Variants in RMDN1 observed in about 807,000 individuals in gnomAD.
RMDN1 encodes the protein regulator of microtubule dynamics 1, also known as regulator of microtubule dynamics protein 1.
In RMDN1, 48 loss-of-function variants were observed where a neutral mutation model predicts 48.9. The ratio of observed to expected loss-of-function variants is 0.98; its 90% CI spans 0.78 to 1.25. The LOEUF (loss-of-function observed/expected upper bound fraction) is 1.25, where lower values mean the gene tolerates loss of function less well. Among genes scored for constraint, RMDN1 ranks in the 50% most tolerant of loss-of-function variants. The pLI is 0.00. For missense variants in RMDN1, 418 were observed against 373.4 expected, an observed-to-expected ratio of 1.12 and a Z score of -0.98; for synonymous variants, 148 against 132.6, an observed-to-expected ratio of 1.12 and a Z score of -0.80.
chr8:86,503,371 CAAAAAAAAAAAAAAAAAACAAAAA>C (rs1563656256), intron 2 of RMDN1, among the ~76,000 whole-genome samples: 2 of 68,038 alleles, frequency 2.9e-5, no homozygotes, highest in African/African-American at 2.0e-4. Context: ...CAAAACAAAA[CAAAAAAAAAAAAAAAAAACAAAAA>C]AAAATAACAA....
At chr8:86,476,266 G>A (rs1813358746) in intron 8 of RMDN1, among the ~76,000 whole-genome samples, 1 of 152,134 alleles carries the variant, frequency 6.6e-6, no homozygotes, top group Non-Finnish European at 1.5e-5. Flanking sequence ...CATGATATGT[G>A]AAACAGTATG....
At position 86,474,613 on chromosome 8, in the gene RMDN1, A is replaced by G. The variant is rs1024436595; in HGVS notation, c.894+207T>C. On this transcript the variant is annotated intron_variant, in intron 9 of 9. Transcript: ENST00000406452. ...AACAGGAATAATTCTGCATTGTAGCAGGCAACCCGTAACATCCACCTGGTG... is the reference window on the plus strand; with the variant it reads ...AACAGGAATAATTCTGCATTGTAGCGGGCAACCCGTAACATCCACCTGGTG... 7 of 722,948 alleles carry G rather than the reference A, an allele frequency of 9.7e-6. No individual in the cohort carries two copies. In the African/African-American group the frequency reaches 1.2e-4, roughly 13 times the overall value. The allele number at this position is 722,948 out of a possible 1,614,324, so 44.8% of individuals were successfully genotyped here.
intron 7 of RMDN1, chr8:86,478,650 G>C (rs1029461887): frequency 9.8e-6 from 4 of 409,284 alleles, no homozygotes; most frequent in Non-Finnish European, 1.8e-5. Context: ...ATATAGTTTA[G>C]ATTTCAAACA....
intron 2 of RMDN1, among the ~76,000 whole-genome samples, chr8:86,503,395 A>C (rs772456950): frequency 3.1e-4 from 38 of 122,986 alleles, no homozygotes; most frequent in East Asian, 3.9e-4. Context: ...AAAAACAAAA[A>C]AAAATAACAA....
Position 86,473,808 on chromosome 8 carries a change from T to G in RMDN1, c.*500A>C. The G allele has an allele frequency of 1.1e-6, 1 of 932,072 alleles. No individual in the cohort carries two copies. Among genetic ancestry groups the G allele is most frequent in the Non-Finnish European group, 1.3e-6 (1 of 780,622 alleles). 57.7% of individuals were successfully genotyped at this position (932,072 alleles called of 1,614,324 possible). Reference sequence around the variant, plus strand: ...AACTACTCCATTTTTAGTCATCTCCTTACTTAGTTCTTTACTTACACAGGT... The same window carrying G: ...AACTACTCCATTTTTAGTCATCTCCGTACTTAGTTCTTTACTTACACAGGT... On this transcript the variant is annotated 3_prime_UTR_variant, in exon 10 of 10. Transcript: ENST00000406452.
chr8:86,503,371 C>CAAAAAAAAAAAAAAAA (rs1182231210), intron 2 of RMDN1, among the ~76,000 whole-genome samples: 2 of 67,988 alleles, frequency 2.9e-5, no homozygotes, highest in East Asian at 4.2e-4. Flanking sequence ...CAAAACAAAA[C>CAAAAAAAAAAAAAAAA]AAAAAAAAAA....
rs944472589 is a variant in RMDN1 at position 86,474,728 on chromosome 8, A to G, written c.894+92T>C. On this transcript the variant is annotated intron_variant, in intron 9 of 9. Coordinates refer to ENST00000406452, the MANE Select transcript of RMDN1 (RefSeq NM_016033.3). Reference sequence around the variant, plus strand: ...ACACTTGTTTTCAACAATATTATGCATTTAGAAAATTATGCTTTTAAAGAA... The same window carrying G: ...ACACTTGTTTTCAACAATATTATGCGTTTAGAAAATTATGCTTTTAAAGAA... 7.1e-6 allele frequency: 8 copies of G among 1,130,018 alleles called. No homozygotes were observed. The African/African-American group carries it at 1.1e-4, about 15-fold the overall frequency. 70.0% of individuals were successfully genotyped at this position (1,130,018 alleles called of 1,614,324 possible). A position where few individuals can be genotyped will look rare whatever the true frequency, so the allele number is the denominator to read the frequency against.
At position 86,508,446 on chromosome 8, in the gene RMDN1, C is replaced by T. The variant is rs1004324262; in HGVS notation, c.129+46G>A. 10 of 1,520,778 alleles carry T rather than the reference C, an allele frequency of 6.6e-6. No homozygotes were observed. In the African/African-American group the frequency reaches 7.0e-5, roughly 11 times the overall value. 94.2% of individuals were successfully genotyped at this position (1,520,778 alleles called of 1,614,324 possible). On this transcript the variant is annotated intron_variant, in intron 1 of 9. Transcript: ENST00000406452. ...ACTTAAGTTAAGGGGGAGCCGGAACCCACTGAGTAGGAAGTGAGGAGCGGG... is the reference window on the plus strand; with the variant it reads ...ACTTAAGTTAAGGGGGAGCCGGAACTCACTGAGTAGGAAGTGAGGAGCGGG...
Position 86,481,560 on chromosome 8 carries a change from CTTTTTTT to C in RMDN1, c.586-1235_586-1229del, listed in dbSNP as rs71275857. On this transcript the variant is annotated intron_variant, in intron 5 of 9. Transcript: ENST00000406452. ...GGGGATCAGGGTTTAATTAATTTTCCTTTTTTTTTTTTTTTTTTTTTGCCTTTGCCAA... is the reference window on the plus strand; with the variant it reads ...GGGGATCAGGGTTTAATTAATTTTCCTTTTTTTTTTTTTTGCCTTTGCCAA... Among the ~76,000 whole-genome samples the C allele has an allele frequency of 3.9e-3, 412 of 104,480 alleles. 1 individual carries two copies. The highest frequency in any genetic ancestry group is 5.7e-3 in the Non-Finnish European group (302 of 52,764). The allele number at this position is 104,480 out of a possible 152,430, so 68.5% of individuals were successfully genotyped here.
chr8:86,488,897 A>T (rs1815968564), intron 2 of RMDN1, among the ~76,000 whole-genome samples: 1 of 152,242 alleles, frequency 6.6e-6, no homozygotes, highest in South Asian at 2.1e-4. Context: ...TAGTGACTAA[A>T]TATGAAACAC....
chr8:86,508,906 C>G (rs1219236048), upstream of RMDN1: 1 of 705,548 alleles, frequency 1.4e-6, no homozygotes, highest in African/African-American at 1.8e-5. Flanking sequence ...TGTTTCTGCT[C>G]CATCTCTCTA....
chr8:86,511,090 A>G (rs942262734), upstream of RMDN1, among the ~76,000 whole-genome samples: 2 of 151,354 alleles, frequency 1.3e-5, no homozygotes, highest in East Asian at 1.9e-4. Flanking sequence ...TTTGAGCCCA[A>G]GTGTCCAAGG....
chr8:86,477,068 C>T (rs910545094), intron 8 of RMDN1, among the ~76,000 whole-genome samples: 1 of 152,180 alleles, frequency 6.6e-6, no homozygotes, highest in African/African-American at 2.4e-5. Context: ...AGCAGAATTA[C>T]ATCAAATGAT....
chr8:86,486,715 T>C, intron 3 of RMDN1, 72 bp from the exon 4 acceptor site: 2 of 1,194,090 alleles, frequency 1.7e-6, no homozygotes, highest in Non-Finnish European at 2.3e-6. Context: ...ACATTACTAA[T>C]GAATACATTA....
downstream of RMDN1, chr8:86,470,264 C>A: frequency 7.8e-7 from 1 of 1,289,328 alleles, no homozygotes. Flanking sequence ...ATCCAGCAGT[C>A]AGCTCTGGAA....
chr8:86,504,824 C>A, intron 2 of RMDN1: 1 of 1,041,686 alleles, frequency 9.6e-7, no homozygotes, highest in Non-Finnish European at 1.5e-6. Context: ...ACTTCTTAGT[C>A]GGACTGCTCT....
intron 2 of RMDN1, among the ~76,000 whole-genome samples, chr8:86,495,174 C>T (rs1817136352): frequency 6.6e-6 from 1 of 152,116 alleles, no homozygotes; most frequent in Admixed American, 6.5e-5. Context: ...ATGGGGAGGA[C>T]ACAGACCCTG....
At chr8:86,503,385 A>AAAAAAAAAAAAAAAACAAAAC (rs1554594088) in intron 2 of RMDN1, among the ~76,000 whole-genome samples, 2 of 81,072 alleles carry the variant, frequency 2.5e-5, no homozygotes, top group African/African-American at 6.8e-5. Context: ...AAAAAAAAAA[A>AAAAAAAAAAAAAAAACAAAAC]AAAACAAAAA....
At chr8:86,512,581 C>T (rs964541316), upstream of RMDN1, among the ~76,000 whole-genome samples, 1 of 152,218 alleles carries the variant, frequency 6.6e-6, no homozygotes, top group Non-Finnish European at 1.5e-5. Context: ...GTCCCTCTAT[C>T]ACATCACCCT....
Sources: gnomAD v4.1 joint callset for allele counts (sites outside exome capture counted in the v4.1 genomes callset) on GRCh38, gnomAD v4.1.1 for gene constraint, MANE v1.5 for transcripts, NCBI Gene and HGNC (gene_info 2026-07-23, HGNC 2026-07-21) for gene names.